Variants in PDZD2 observed in about 807,000 individuals in gnomAD.
The protein encoded by PDZD2 is PDZ domain-containing protein 2.
In PDZD2, 90 loss-of-function variants were observed where a neutral mutation model predicts 220.7. The ratio of observed to expected loss-of-function variants is 0.41; its 90% CI spans 0.34 to 0.49. PDZD2 has a LOEUF of 0.49. Among genes scored for constraint, PDZD2 ranks in the 20% least tolerant of loss-of-function variants. The pLI, the probability that PDZD2 is intolerant of heterozygous loss-of-function variation, is 0.28. For missense variants in PDZD2, 3,174 were observed against 3,608.5 expected (o/e 0.88, Z 3.08); for synonymous variants, 1,375 against 1,450.5 (o/e 0.95, Z 1.18).
At chr5:31,846,480 G>T (rs1246875267) in intron 2 of PDZD2, among the ~76,000 whole-genome samples, 2 of 152,152 alleles carry the variant, frequency 1.3e-5, no homozygotes, top group East Asian at 3.9e-4. Flanking sequence ...CTGCGAAGAG[G>T]GAAAGAGACA....
At chr5:31,958,854 C>T (rs964618649) in intron 2 of PDZD2, among the ~76,000 whole-genome samples, 1 of 152,188 alleles carries the variant, frequency 6.6e-6, no homozygotes, top group Non-Finnish European at 1.5e-5. Flanking sequence ...TCTCAAACTC[C>T]TGACCTCAAG....
Position 32,000,256 on chromosome 5 carries a change from T to C in PDZD2, c.1239T>C (p.Leu413=). 6.2e-7 allele frequency: 1 copy of C among 1,614,180 alleles called. No individual in the cohort carries two copies. The change falls in exon 5 of 25, where the codon CTT becomes CTC. Residue 413 remains leucine, a synonymous_variant. Coordinates refer to ENST00000438447, the MANE Select transcript of PDZD2 (RefSeq NM_178140.4). The surrounding 1 kb of genome is among the most constrained non-coding windows in gnomAD (Gnocchi z 4.5). ...ILRSATGMVQ[L]VVASKENSAE... is the part of the protein sequence containing the mutation. ...GCTCCGCCACGGGAATGGTGCAGCT[T>C]GTGGTGGCCAGCAAGGTAGGTCGTG...
chr5:32,038,986 G>A (rs767095081), intron 7 of PDZD2, among the ~76,000 whole-genome samples: 2 of 152,166 alleles, frequency 1.3e-5, no homozygotes, highest in African/African-American at 2.4e-5. Flanking sequence ...GTCCCCTTCC[G>A]GCCACCCAGA....
At chr5:31,854,917 G>GA (rs887478602) in intron 2 of PDZD2, 468 of 948,184 alleles carry the variant, frequency 4.9e-4, no homozygotes, top group Non-Finnish European at 5.7e-4. Context: ...GAGGGAGGAG[G>GA]GGGGGGTCCT....
At chr5:31,910,873 A>G (rs1449937399) in intron 2 of PDZD2, among the ~76,000 whole-genome samples, 1 of 152,168 alleles carries the variant, frequency 6.6e-6, no homozygotes, top group African/African-American at 2.4e-5. Flanking sequence ...ACAAGAAAAT[A>G]TAGCACTTAA....
chr5:31,993,697 T>G (rs1219849301), intron 3 of PDZD2, among the ~76,000 whole-genome samples: 1 of 152,248 alleles, frequency 6.6e-6, no homozygotes, highest in Non-Finnish European at 1.5e-5. Flanking sequence ...TTGTTTCATA[T>G]ATCATATGTC....
chr5:32,044,158 A>G (rs6874231), intron 7 of PDZD2, among the ~76,000 whole-genome samples: 2 of 151,762 alleles, frequency 1.3e-5, no homozygotes, highest in East Asian at 3.9e-4. Context: ...GTGAAACCTC[A>G]TCTCTACTAA....
intron 19 of PDZD2, among the ~76,000 whole-genome samples, chr5:32,084,352 C>T (rs1742248459): frequency 6.6e-6 from 1 of 152,234 alleles, no homozygotes; most frequent in Non-Finnish European, 1.5e-5. Flanking sequence ...TGAACTCTGA[C>T]CTCAGACACA....
intron 2 of PDZD2, among the ~76,000 whole-genome samples, chr5:31,866,591 T>G (rs1292442016): frequency 6.6e-6 from 1 of 152,112 alleles, no homozygotes; most frequent in Non-Finnish European, 1.5e-5. Context: ...CAAATTATTT[T>G]TTAAAAAAGA....
chr5:31,775,936 T>A (rs1024552948), intron 1 of PDZD2, among the ~76,000 whole-genome samples: 1 of 151,818 alleles, frequency 6.6e-6, no homozygotes, highest in African/African-American at 2.4e-5. Flanking sequence ...GCTTCATGAG[T>A]GTGGCCAGCA....
intron 1 of PDZD2, among the ~76,000 whole-genome samples, chr5:31,695,670 C>A (rs372344): frequency 6.6e-6 from 1 of 151,958 alleles, no homozygotes; most frequent in Non-Finnish European, 1.5e-5. Flanking sequence ...TAGGGGCTGG[C>A]TTATTTACAG....
intron 1 of PDZD2, among the ~76,000 whole-genome samples, chr5:31,650,386 C>T (rs1745306835): frequency 6.6e-6 from 1 of 152,310 alleles, no homozygotes; most frequent in South Asian, 2.1e-4. Flanking sequence ...CCCCTATTCC[C>T]AACCACGATT....
At chr5:32,070,233 T>C (rs753829364) in intron 15 of PDZD2, among the ~76,000 whole-genome samples, 1 of 152,224 alleles carries the variant, frequency 6.6e-6, no homozygotes, top group African/African-American at 2.4e-5. Flanking sequence ...GAGCTTGAGA[T>C]TATACTGACG....
chr5:31,983,390 G>A lies in PDZD2; in HGVS notation c.712G>A (p.Ala238Thr), dbSNP rs1384740025. Reference sequence around the variant, plus strand: ...GGCCCCTGAAGAATCCAAGGGCAGCGCTGGCTGTGAGGTGTCCAGTGACCC... The same window carrying A: ...GGCCCCTGAAGAATCCAAGGGCAGCACTGGCTGTGAGGTGTCCAGTGACCC... ...NKAPEESKGS[A>T]GCEVSSDPST... Residue 238 changes from alanine to threonine, a missense_variant, in exon 3 of 25, where the codon GCT becomes ACT. Physicochemically the swap from Ala to Thr is moderately conservative, Grantham distance 58. Around this residue, in one of 4 missense-constraint regions of PDZD2, gnomAD observed 632 missense variants for 708.1 expected, o/e 0.89. Coordinates refer to ENST00000438447, the MANE Select transcript of PDZD2 (RefSeq NM_178140.4). 8.1e-6 allele frequency: 13 copies of A among 1,614,064 alleles called. No homozygotes were observed. In the Admixed American group the frequency reaches 8.3e-5, roughly 10 times the overall value.
chr5:32,087,704 G>T lies in PDZD2; in HGVS notation c.4256G>T (p.Ser1419Ile). The change falls in exon 20 of 25, where the codon AGT (serine) becomes ATT (isoleucine). Residue 1419 changes from serine to isoleucine, a missense_variant. Transcript: ENST00000438447. This position sits in a 1 kb window ranked among gnomAD's most constrained non-coding sequence, Gnocchi z 4.0. ...TCGGGGCACTGCTGCCCAGGGGGGAGTAGAGAGAGCCCTGTGACGGACATT... is the reference window on the plus strand; with the variant it reads ...TCGGGGCACTGCTGCCCAGGGGGGATTAGAGAGAGCCCTGTGACGGACATT... ...HVSGHCCPGG[S>I]RESPVTDIDS... The T allele has an allele frequency of 6.2e-7, 1 of 1,614,068 alleles. No individual in the cohort carries two copies. The highest frequency in any genetic ancestry group is 8.5e-7 in the Non-Finnish European group (1 of 1,179,954).
chr5:32,016,280 A>G (rs926747061), intron 6 of PDZD2, among the ~76,000 whole-genome samples: 1 of 152,184 alleles, frequency 6.6e-6, no homozygotes, highest in African/African-American at 2.4e-5. Context: ...AATGTTTCCA[A>G]ATGTGTCCGG....
At chr5:31,876,572 G>A (rs1018503758) in intron 2 of PDZD2, among the ~76,000 whole-genome samples, 6 of 152,206 alleles carry the variant, frequency 3.9e-5, no homozygotes, top group Non-Finnish European at 5.9e-5. Context: ...GATTACAGGC[G>A]CGAGCCACCG....
chr5:31,958,845 C>A (rs2111676715), intron 2 of PDZD2, among the ~76,000 whole-genome samples: 1 of 152,180 alleles, frequency 6.6e-6, no homozygotes, highest in Non-Finnish European at 1.5e-5. Context: ...CCAGCCTCTT[C>A]TCAAACTCCT....
chr5:31,873,444 G>GA (rs35706067), intron 2 of PDZD2, among the ~76,000 whole-genome samples: 69,783 of 143,974 alleles, frequency 0.48, 16,880 homozygotes, highest in African/African-American at 0.56. Flanking sequence ...CTCACCAAAA[G>GA]AAAAAAAAAA....
Sources: gnomAD v4.1 joint callset for allele counts (sites outside exome capture counted in the v4.1 genomes callset) on GRCh38, gnomAD v4.1.1 for gene constraint, gnomAD v4.1.1 regional missense constraint, Gnocchi (gnomAD v3.1) non-coding constraint, MANE v1.5 for transcripts, NCBI Gene and HGNC (gene_info 2026-07-23, HGNC 2026-07-21) for gene names.